SAMD10: variants seen among roughly 807,000 people sequenced by gnomAD.
SAMD10 encodes sterile alpha motif domain containing 10, also known as sterile alpha motif domain-containing protein 10.
A neutral mutation model predicts 22.5 loss-of-function variants in SAMD10; 16 were observed. The observed-to-expected ratio is 0.71, with a 90% CI of 0.48 to 1.08. The LOEUF is 1.08. Ranked by LOEUF, SAMD10 falls within the 50% of genes least tolerant of loss-of-function variation. The pLI, the probability that SAMD10 is intolerant of heterozygous loss-of-function variation, is 0.00. For missense variants in SAMD10, 227 were observed against 281.3 expected (o/e 0.81, Z 1.38); for synonymous variants, 118 against 122.2 (o/e 0.97, Z 0.23).
rs1439964413 is a variant in SAMD10, at chr20:63,975,176, C to T, written c.*334G>A. 4.8e-6 allele frequency: 2 copies of T among 418,130 alleles called. No homozygotes were observed. The highest frequency in any genetic ancestry group is 8.6e-6 in the Non-Finnish European group (2 of 232,944). The allele number at this position is 418,130 out of a possible 1,614,324, so 25.9% of individuals were successfully genotyped here. On this transcript the variant is annotated 3_prime_UTR_variant, in exon 5 of 5. Transcript: ENST00000369886. Reference sequence around the variant, plus strand: ...AGAGGGGAATGTAAATAAACAGACTCCCTGGGAGTCTAGGGGGGACATCCA... The same window carrying T: ...AGAGGGGAATGTAAATAAACAGACTTCCTGGGAGTCTAGGGGGGACATCCA...
At chr20:63,978,227 T>C (rs1231994623) in intron 1 of SAMD10, 1 of 949,284 alleles carries the variant, frequency 1.1e-6, no homozygotes, top group African/African-American at 1.7e-5. Flanking sequence ...TGTCATCATC[T>C]CTGGGGGCAC....
At chr20:63,979,729 C>G (rs1039581677), upstream of SAMD10, 1 of 972,594 alleles carries the variant, frequency 1.0e-6, no homozygotes, top group Admixed American at 6.1e-5. The surrounding 1 kb of genome is among the most constrained non-coding windows in gnomAD (Gnocchi z 7.7). Context: ...GAGGGGCGTC[C>G]GTGCGCCCCT....
At position 63,979,381 on chromosome 20, in the gene SAMD10, C is replaced by A. The variant is rs1391355288; in HGVS notation, c.87G>T (p.Val29=). 1 of 1,489,374 alleles carries A rather than the reference C, an allele frequency of 6.7e-7. No individual in the cohort carries two copies. The highest frequency in any genetic ancestry group is 2.2e-5 in the Admixed American group (1 of 45,188). The allele number at this position is 1,489,374 out of a possible 1,614,324, so 92.3% of individuals were successfully genotyped here. A position where few individuals can be genotyped will look rare whatever the true frequency, so the allele number is the denominator to read the frequency against. ...CCCCAATCCAGCCCCGCTCACCGTC[C>A]ACATCCCGGCGCTCCCCGAAGCCCG... is the stretch of plus-strand genomic sequence containing the variant. The part of the protein sequence containing the change: ...VRAGFGERRD[V]DATAHFSFCR... Residue 29 remains valine (V), a synonymous_variant, in exon 1 of 5, where the codon GTG becomes GTT. Coordinates refer to ENST00000369886, the MANE Select transcript of SAMD10 (RefSeq NM_080621.5). This position sits in a 1 kb window ranked among gnomAD's most constrained non-coding sequence, Gnocchi z 7.7.
At chr20:63,978,157 G>T in intron 1 of SAMD10, 1 of 477,136 alleles carries the variant, frequency 2.1e-6, no homozygotes, top group Non-Finnish European at 3.9e-6. Flanking sequence ...GGGGACCCAC[G>T]GTGATGCTCT....
rs766068072 is a variant in SAMD10, at chr20:63,975,405, G to A, written c.*105C>T. On this transcript the variant is annotated 3_prime_UTR_variant, in exon 5 of 5. Transcript: ENST00000369886. Reference sequence around the variant, plus strand: ...TCCGTTGGGCCAGCCTGGCCGCCCCGGCATCCCGCAGGGTCCAAGAGGCGC... The same window carrying A: ...TCCGTTGGGCCAGCCTGGCCGCCCCAGCATCCCGCAGGGTCCAAGAGGCGC... 1.0e-4 allele frequency: 148 copies of A among 1,430,052 alleles called. No homozygotes were observed. Among genetic ancestry groups the A allele is most frequent in the Non-Finnish European group, 1.0e-4 (108 of 1,034,678 alleles). 88.6% of individuals were successfully genotyped at this position (1,430,052 alleles called of 1,614,324 possible).
intron 3 of SAMD10, among the ~76,000 whole-genome samples, chr20:63,976,743 A>G (rs558180958): frequency 1.0e-3 from 137 of 137,482 alleles, no homozygotes; most frequent in Non-Finnish European, 1.7e-3. Flanking sequence ...CCTGGGCAAC[A>G]GGAGTAAATC....
chr20:63,979,777 C>A, upstream of SAMD10: 1 of 810,028 alleles, frequency 1.2e-6, no homozygotes, highest in Non-Finnish European at 1.5e-6. The surrounding 1 kb of genome is among the most constrained non-coding windows in gnomAD (Gnocchi z 7.7). Flanking sequence ...CGTGAACCTG[C>A]CGGGCGTCCT....
At position 63,977,007 on chromosome 20, in the gene SAMD10, C is replaced by T. The variant is rs200217276; in HGVS notation, c.409G>A (p.Val137Ile). 78 of 1,614,110 alleles carry T rather than the reference C, an allele frequency of 4.8e-5. No homozygotes were observed. Among genetic ancestry groups the T allele is most frequent in the Admixed American group, 6.7e-5 (4 of 60,008 alleles). Reference protein sequence around the residue: ...LKKHCPHNYLVYVEAFSQHAI... With the variant: ...LKKHCPHNYLIYVEAFSQHAI... ...TGCTGGGAGAAGGCCTCCACGTAGACGAGGTAGTTGTGGGGACAGTGCTTC... is the reference window on the plus strand; with the variant it reads ...TGCTGGGAGAAGGCCTCCACGTAGATGAGGTAGTTGTGGGGACAGTGCTTC... The change falls in exon 3 of 5, where the codon GTC (valine) becomes ATC (isoleucine). Residue 137 changes from valine (V) to isoleucine (I), a missense_variant. Coordinates refer to ENST00000369886, the MANE Select transcript of SAMD10 (RefSeq NM_080621.5). This position sits in a 1 kb window ranked among gnomAD's most constrained non-coding sequence, Gnocchi z 5.4.
rs1325238865 is a variant in SAMD10, at chr20:63,974,712, G to A, written c.*798C>T. 1.8e-5 allele frequency: 2 copies of A among 109,612 alleles called. No homozygotes were observed. Among genetic ancestry groups the A allele is most frequent in the Non-Finnish European group, 3.9e-5 (2 of 51,574 alleles). 6.8% of individuals were successfully genotyped at this position (109,612 alleles called of 1,614,324 possible). The stretch of plus-strand genomic sequence containing the variant: ...CACGCACAAGGCCCTTGTTCTTGAG[G>A]GCGAGGGGGGAAGACCATAAAAGCA... On this transcript the variant is annotated 3_prime_UTR_variant, in exon 5 of 5. Coordinates refer to ENST00000369886, the MANE Select transcript of SAMD10 (RefSeq NM_080621.5).
At chr20:63,976,078 C>T (rs369477849) in intron 3 of SAMD10, among the ~76,000 whole-genome samples, 1 of 152,168 alleles carries the variant, frequency 6.6e-6, no homozygotes, top group Non-Finnish European at 1.5e-5. Context: ...GAGGCTGAGG[C>T]GGGAGGATCA....
rs11474170 is a variant in SAMD10 at position 63,974,714 on chromosome 20, C to CGA, written c.*794_*795dup. On this transcript the variant is annotated 3_prime_UTR_variant, in exon 5 of 5. Transcript: ENST00000369886. ...CGCACAAGGCCCTTGTTCTTGAGGGCGAGGGGGGAAGACCATAAAAGCAAG... is the reference window on the plus strand; with the variant it reads ...CGCACAAGGCCCTTGTTCTTGAGGGCGAGAGGGGGGAAGACCATAAAAGCAAG... The CGA allele has an allele frequency of 0.5, 76,677 of 152,002 alleles. 20,236 individuals are homozygous for CGA. The highest frequency in any genetic ancestry group is 0.63 in the African/African-American group (26,042 of 41,424). The allele number at this position is 152,002 out of a possible 1,614,324, so 9.4% of individuals were successfully genotyped here. A position where few individuals can be genotyped will look rare whatever the true frequency, so the allele number is the denominator to read the frequency against.
rs898800733 is a variant in SAMD10, at chr20:63,979,242, T to G, written c.91+135A>C. The stretch of plus-strand genomic sequence containing the variant: ...GCAGGACAAAGGCTACGGGACCCCG[T>G]TGAGCCGAGACATCCGCCGAATACC... On this transcript the variant is annotated intron_variant, in intron 1 of 4. Transcript: ENST00000369886. This position sits in a 1 kb window ranked among gnomAD's most constrained non-coding sequence, Gnocchi z 7.7. 8 of 581,188 alleles carry G rather than the reference T, an allele frequency of 1.4e-5. No individual in the cohort carries two copies. In the East Asian group the frequency reaches 2.4e-4, roughly 18 times the overall value. 36.0% of individuals were successfully genotyped at this position (581,188 alleles called of 1,614,324 possible). A position where few individuals can be genotyped will look rare whatever the true frequency, so the allele number is the denominator to read the frequency against.
chr20:63,975,250 AG>A lies in SAMD10; in HGVS notation c.*259del. ...TGCCCCACATGCTGCCAGCTGCACC[AG>A]GGGAGGGCTTGGGCTCAGGTCCCAG... is the stretch of plus-strand genomic sequence containing the variant. On this transcript the variant is annotated 3_prime_UTR_variant, in exon 5 of 5. Transcript: ENST00000369886. The A allele has an allele frequency of 1.9e-6, 1 of 524,760 alleles. No homozygotes were observed. Among genetic ancestry groups the A allele is most frequent in the Non-Finnish European group, 3.3e-6 (1 of 300,606 alleles). 32.5% of individuals were successfully genotyped at this position (524,760 alleles called of 1,614,324 possible).
In SAMD10 at chr20:63,975,274, C is replaced by T; in HGVS notation, c.*236G>A. On this transcript the variant is annotated 3_prime_UTR_variant, in exon 5 of 5. Coordinates refer to ENST00000369886, the MANE Select transcript of SAMD10 (RefSeq NM_080621.5). ...CAGGGGAGGGCTTGGGCTCAGGTCC[C>T]AGGAGGTGGGGCCACACTCAAGCAG... 1.8e-6 allele frequency: 1 copy of T among 549,754 alleles called. No homozygotes were observed. Among genetic ancestry groups the T allele is most frequent in the South Asian group, 2.3e-5 (1 of 43,348 alleles). The allele number at this position is 549,754 out of a possible 1,614,324, so 34.1% of individuals were successfully genotyped here. A position where few individuals can be genotyped will look rare whatever the true frequency, so the allele number is the denominator to read the frequency against.
Position 63,978,065 on chromosome 20 carries a change from G to T in SAMD10, c.92-659C>A, listed in dbSNP as rs546994289. ...CGCCCCCCACAGGGCCTGCAGCCCG[G>T]GACAACACCGGCCATGTGAATGGTG... is the stretch of plus-strand genomic sequence containing the variant. On this transcript the variant is annotated intron_variant, in intron 1 of 4. Transcript: ENST00000369886. 3.3e-5 allele frequency among the ~76,000 whole-genome samples: 5 copies of T among 152,378 alleles called. No homozygotes were observed. The South Asian group carries it at 1.0e-3, about 32-fold the overall frequency.
rs774745299 is a variant in SAMD10 at position 63,976,945 on chromosome 20, C to T, written c.445+26G>A. 3 of 1,612,598 alleles carry T rather than the reference C, an allele frequency of 1.9e-6. No homozygotes were observed. The Admixed American group carries it at 5.0e-5, about 27-fold the overall frequency. On this transcript the variant is annotated intron_variant, in intron 3 of 4. Coordinates refer to ENST00000369886, the MANE Select transcript of SAMD10 (RefSeq NM_080621.5). ...GCTCTGAGGCAGGTTAGCCCCACTC[C>T]CACAGCACCCTCAGCGCCACTGTAC... is the stretch of plus-strand genomic sequence containing the variant.
Position 63,974,677 on chromosome 20 carries a change from T to C in SAMD10, c.*833A>G, listed in dbSNP as rs559300304. 1 of 151,874 alleles carries C rather than the reference T, an allele frequency of 6.6e-6. No individual in the cohort carries two copies. The highest frequency in any genetic ancestry group is 2.1e-4 in the South Asian group (1 of 4,810). 9.4% of individuals were successfully genotyped at this position (151,874 alleles called of 1,614,324 possible). A position where few individuals can be genotyped will look rare whatever the true frequency, so the allele number is the denominator to read the frequency against. ...CCAGGCCTTCTTGGGAAAGCAGCAA[T>C]GGGAAGGCCCACGCACAAGGCCCTT... On this transcript the variant is annotated 3_prime_UTR_variant, in exon 5 of 5. Coordinates refer to ENST00000369886, the MANE Select transcript of SAMD10 (RefSeq NM_080621.5).
rs1483022618 is a variant in SAMD10 at position 63,977,226 on chromosome 20, T to TG, written c.271dup (p.Gln91ProfsTer7). On this transcript the variant is annotated frameshift_variant and splice_region_variant, in exon 2 of 5. Transcript: ENST00000369886. LOFTEE classifies it high-confidence loss of function. This position sits in a 1 kb window ranked among gnomAD's most constrained non-coding sequence, Gnocchi z 5.4. ...GAGGTGGGTGGAGTGGGTGGGTACC[T>TG]GGGGGGTGTCTGTGCCGGGCTGCTG... 1.2e-6 allele frequency: 2 copies of TG among 1,613,338 alleles called. No homozygotes were observed. The highest frequency in any genetic ancestry group is 1.3e-5 in the African/African-American group (1 of 74,978).
Position 63,977,160 on chromosome 20 carries a change from G to T in SAMD10, c.274-18C>A. On this transcript the variant is annotated intron_variant, in intron 2 of 4. Transcript: ENST00000369886. The surrounding 1 kb of genome is among the most constrained non-coding windows in gnomAD (Gnocchi z 5.4). The stretch of plus-strand genomic sequence containing the variant: ...AGCCGGCCCTGCAGGGGAGGGGCGT[G>T]GCAGGCAGAGTGAGAGTGGTGGAGA... The T allele has an allele frequency of 6.2e-7, 1 of 1,613,132 alleles. No individual in the cohort carries two copies. The highest frequency in any genetic ancestry group is 8.5e-7 in the Non-Finnish European group (1 of 1,179,184).
Sources: gnomAD v4.1 joint callset for allele counts (sites outside exome capture counted in the v4.1 genomes callset) on GRCh38, gnomAD v4.1.1 for gene constraint, Gnocchi (gnomAD v3.1) non-coding constraint, MANE v1.5 for transcripts, NCBI Gene and HGNC (gene_info 2026-07-23, HGNC 2026-07-21) for gene names.